Variants in CYB5R4 observed in about 807,000 individuals in gnomAD.
CYB5R4 encodes the protein cytochrome b5 reductase 4.
CYB5R4 carries 55 observed loss-of-function variants against 70.2 expected under a neutral mutation model. The observed-to-expected ratio is 0.78, with a 90% CI of 0.63 to 0.98. CYB5R4 has a LOEUF of 0.98. Ranked by LOEUF, CYB5R4 falls within the 50% of genes least tolerant of loss-of-function variation. The probability of loss-of-function intolerance (pLI) is 0.00; values close to 1 mark genes in which losing one functional copy is unlikely to be tolerated. For missense variants in CYB5R4, 562 were observed against 612.6 expected, an observed-to-expected ratio of 0.92 and a Z score of 0.87; for synonymous variants, 197 against 199.5, an observed-to-expected ratio of 0.99 and a Z score of 0.11.
chr6:83,913,478 G>T (rs533079094), intron 4 of CYB5R4, among the ~76,000 whole-genome samples: 1 of 152,130 alleles, frequency 6.6e-6, no homozygotes, highest in Non-Finnish European at 1.5e-5. Context: ...ATAATTTGCT[G>T]TATGTGGTAA....
At chr6:83,915,640 G>A (rs181907293) in intron 5 of CYB5R4, among the ~76,000 whole-genome samples, 6 of 152,314 alleles carry the variant, frequency 3.9e-5, no homozygotes, top group Admixed American at 3.9e-4. Flanking sequence ...CATTAAGTAT[G>A]GAATATAGCA....
chr6:83,895,693 G>C (rs1289226686), intron 3 of CYB5R4, among the ~76,000 whole-genome samples: 1 of 152,104 alleles, frequency 6.6e-6, no homozygotes, highest in Non-Finnish European at 1.5e-5. Context: ...GAATTCACAA[G>C]AAGTGCTATA....
rs762798441 is a variant in CYB5R4 at position 83,965,889 on chromosome 6, G to C, written c.*6011G>C. The C allele has an allele frequency of 6.6e-6, 1 of 152,344 alleles. No individual in the cohort carries two copies. The highest frequency in any genetic ancestry group is 2.4e-5 in the African/African-American group (1 of 41,544). 9.4% of individuals were successfully genotyped at this position (152,344 alleles called of 1,614,324 possible). A position where few individuals can be genotyped will look rare whatever the true frequency, so the allele number is the denominator to read the frequency against. ...TCTGATGGTTTCATCAGGGGGTTCC[G>C]CTTTTGCATCTTACTCATTTCTCTT... On this transcript the variant is annotated 3_prime_UTR_variant, in exon 16 of 16. Coordinates refer to ENST00000369681, the MANE Select transcript of CYB5R4 (RefSeq NM_016230.4).
chr6:83,922,367 A>T (rs932460940), intron 8 of CYB5R4, 71 bp from the exon 9 acceptor site: 4 of 1,283,656 alleles, frequency 3.1e-6, no homozygotes, highest in Non-Finnish European at 4.4e-6. Flanking sequence ...GAGCCATTTA[A>T]ATGACATATG....
chr6:83,932,180 A>G (rs2099468259), intron 10 of CYB5R4, among the ~76,000 whole-genome samples: 1 of 152,130 alleles, frequency 6.6e-6, no homozygotes, highest in African/African-American at 2.4e-5. Flanking sequence ...AACTTTCTTA[A>G]ATCTTTCTTA....
At chr6:83,893,659 G>A (rs549883802) in intron 3 of CYB5R4, 37 bp downstream of exon 3, 44 of 1,192,834 alleles carry the variant, frequency 3.7e-5, no homozygotes, top group Admixed American at 2.0e-4. Context: ...TATTCCGGTG[G>A]AAGAGTACTC....
At chr6:83,877,899 C>A (rs1469688817) in intron 2 of CYB5R4, among the ~76,000 whole-genome samples, 1 of 152,128 alleles carries the variant, frequency 6.6e-6, no homozygotes, top group Non-Finnish European at 1.5e-5. Context: ...AAATTTTCAG[C>A]CATTATCTCT....
chr6:83,867,445 T>C (rs2099456908), intron 2 of CYB5R4, among the ~76,000 whole-genome samples: 1 of 152,198 alleles, frequency 6.6e-6, no homozygotes, highest in Non-Finnish European at 1.5e-5. Context: ...GTGTGTACTC[T>C]TGAAGGGATT....
At chr6:83,905,316 C>T (rs561200519) in intron 3 of CYB5R4, among the ~76,000 whole-genome samples, 69 of 152,344 alleles carry the variant, frequency 4.5e-4, no homozygotes, top group Non-Finnish European at 9.0e-4. Context: ...CTCGGCCTCC[C>T]AAAGTGCGGA....
chr6:83,873,355 T>C (rs2099457969), intron 2 of CYB5R4, among the ~76,000 whole-genome samples: 3 of 148,272 alleles, frequency 2.0e-5, no homozygotes, highest in Admixed American at 1.4e-4. Flanking sequence ...TTCTCGTGCC[T>C]CAGCCTCCCA....
At chr6:83,865,867 G>T (rs185782899) in intron 2 of CYB5R4, among the ~76,000 whole-genome samples, 2 of 152,156 alleles carry the variant, frequency 1.3e-5, no homozygotes, top group East Asian at 1.9e-4. Flanking sequence ...GCTCCCCAAA[G>T]TTCCTCAGAG....
rs560115960 is a variant in CYB5R4 at position 83,899,613 on chromosome 6, T to A, written c.330+5991T>A. Among the ~76,000 whole-genome samples the A allele has an allele frequency of 2.1e-3, 313 of 152,320 alleles. 2 individuals are homozygous for A. Among genetic ancestry groups the A allele is most frequent in the Non-Finnish European group, 3.7e-3 (251 of 68,020 alleles). On this transcript the variant is annotated intron_variant, in intron 3 of 15. Transcript: ENST00000369681. ...CTGGTCCTGGACTTTTTTTGGTTGG[T>A]AAGCTATTAATTATTGCCTCAATTT... is the stretch of plus-strand genomic sequence containing the variant.
At chr6:83,900,668 A>G (rs1373783529) in intron 3 of CYB5R4, among the ~76,000 whole-genome samples, 2 of 152,188 alleles carry the variant, frequency 1.3e-5, no homozygotes, top group Non-Finnish European at 2.9e-5. Flanking sequence ...GGGTGCATAT[A>G]TATTTAGGAT....
intron 2 of CYB5R4, among the ~76,000 whole-genome samples, chr6:83,883,162 A>G (rs778898539): frequency 6.6e-6 from 1 of 152,208 alleles, no homozygotes. Flanking sequence ...ATAGATGAAT[A>G]TAAATGTCAA....
intron 3 of CYB5R4, among the ~76,000 whole-genome samples, chr6:83,899,342 T>C (rs1186142302): frequency 3.3e-5 from 5 of 152,198 alleles, no homozygotes; most frequent in Non-Finnish European, 2.9e-5. Flanking sequence ...ATAAGCTTTT[T>C]GCTGTGCTGC....
In CYB5R4 at chr6:83,940,415, G is replaced by T. The variant is rs948122227; in HGVS notation, c.1260-100G>T. The T allele has an allele frequency of 2.6e-4, 299 of 1,161,022 alleles. 1 individual carries two copies. Among genetic ancestry groups the T allele is most frequent in the Middle Eastern group, 1.5e-3 (5 of 3,314 alleles). The allele number at this position is 1,161,022 out of a possible 1,614,324, so 71.9% of individuals were successfully genotyped here. A position where few individuals can be genotyped will look rare whatever the true frequency, so the allele number is the denominator to read the frequency against. On this transcript the variant is annotated intron_variant, in intron 13 of 15. Transcript: ENST00000369681. ...TTTGATGATTTTTAGTTACCTACTG[G>T]GCACTAAAACATTCACACTGGTTCA...
chr6:83,888,801 T>C (rs13208120), intron 2 of CYB5R4, among the ~76,000 whole-genome samples: 19,129 of 152,212 alleles, frequency 0.13, 2,438 homozygotes, highest in African/African-American at 0.33. Context: ...AGCTGAAAAA[T>C]GCTGAAAGCT....
intron 2 of CYB5R4, among the ~76,000 whole-genome samples, chr6:83,884,485 T>G (rs1430394847): frequency 6.6e-6 from 1 of 152,134 alleles, no homozygotes; most frequent in Admixed American, 6.5e-5. Flanking sequence ...GAAAACTGTT[T>G]ATGCCTGTGA....
chr6:83,943,197 A>G (rs944395883), intron 14 of CYB5R4, among the ~76,000 whole-genome samples: 2 of 152,096 alleles, frequency 1.3e-5, no homozygotes, highest in African/African-American at 4.8e-5. Context: ...GTCAACAGAC[A>G]CCTCATACAG....
Sources: allele counts gnomAD v4.1 joint callset (sites outside exome capture counted in the v4.1 genomes callset), GRCh38; gene constraint gnomAD v4.1.1; transcripts MANE v1.5; gene names NCBI Gene and HGNC (gene_info 2026-07-23, HGNC 2026-07-21).